Variants in PROM1 observed in about 807,000 individuals in gnomAD.
The protein encoded by PROM1 is prominin-1.
Under a neutral mutation model 116.9 loss-of-function variants are expected in PROM1, and 105 were observed. The observed-to-expected ratio is 0.90, with a 90% confidence interval of 0.77 to 1.06. PROM1 has a LOEUF of 1.06. Ranked by LOEUF, PROM1 falls within the 50% of genes least tolerant of loss-of-function variation. PROM1 has a pLI of 0.00. For missense variants in PROM1, 1,122 were observed against 1,045.2 expected (o/e 1.07, Z -1.01); for synonymous variants, 393 against 387.0 (o/e 1.02, Z -0.18).
At chr4:15,992,075 C>A (rs561862811) in intron 17 of PROM1, among the ~76,000 whole-genome samples, 173 bp downstream of exon 17, 1 of 151,842 alleles carries the variant, frequency 6.6e-6, no homozygotes, top group Non-Finnish European at 1.5e-5. Flanking sequence ...ACAGGAACTA[C>A]AGAAGTAGTT....
intron 1 of PROM1, chr4:16,083,387 C>A (rs972843554): frequency 6.6e-6 from 1 of 151,092 alleles, no homozygotes. Context: ...CCAAGCGGGG[C>A]GTCGCGGGCC....
chr4:16,043,243 T>C (rs945071226), intron 2 of PROM1, among the ~76,000 whole-genome samples: 11 of 152,062 alleles, frequency 7.2e-5, no homozygotes, highest in Admixed American at 2.6e-4. Flanking sequence ...GGTTTAGGAG[T>C]CAACAGATAA....
intron 3 of PROM1, among the ~76,000 whole-genome samples, chr4:16,037,009 C>T (rs1334028201): frequency 6.6e-6 from 1 of 152,122 alleles, no homozygotes; most frequent in Non-Finnish European, 1.5e-5. Context: ...GGGGTATAAA[C>T]CAAGGTTATG....
At chr4:16,033,211 G>A in intron 5 of PROM1, 93 bp downstream of exon 5, 1 of 1,077,750 alleles carries the variant, frequency 9.3e-7, no homozygotes, top group Non-Finnish European at 1.3e-6. Flanking sequence ...TTGCTATTTT[G>A]TTTAGTTTTA....
intron 2 of PROM1, 37 bp downstream of exon 2, chr4:16,075,650 G>A (rs780977233): frequency 1.9e-6 from 3 of 1,554,850 alleles, no homozygotes; most frequent in South Asian, 2.3e-5. Context: ...GGTGCGTTTG[G>A]AGATAAATCC....
chr4:15,983,917 A>G (rs1340160793), intron 23 of PROM1, among the ~76,000 whole-genome samples: 1 of 152,174 alleles, frequency 6.6e-6, no homozygotes, highest in Non-Finnish European at 1.5e-5. Context: ...GACAAATGAA[A>G]TTTGATGCAA....
At chr4:15,996,897 C>T (rs1314046531) in intron 15 of PROM1, among the ~76,000 whole-genome samples, 1 of 152,082 alleles carries the variant, frequency 6.6e-6, no homozygotes, top group Admixed American at 6.6e-5. Context: ...AAGTGTTCTG[C>T]TCTCAATGTG....
chr4:16,052,309 TTC>T (rs1422763665), intron 2 of PROM1, among the ~76,000 whole-genome samples: 2 of 152,200 alleles, frequency 1.3e-5, no homozygotes, highest in African/African-American at 4.8e-5. Context: ...CTGAGCTCTG[TTC>T]TGGCCACTCA....
intron 2 of PROM1, among the ~76,000 whole-genome samples, chr4:16,053,577 T>C (rs1738340421): frequency 6.6e-6 from 1 of 152,234 alleles, no homozygotes; most frequent in African/African-American, 2.4e-5. Context: ...AATTTGGTAA[T>C]GACACTATGG....
chr4:15,991,278 CG>C lies in PROM1; in HGVS notation c.1926del (p.Ala643GlnfsTer3). 6.2e-7 allele frequency: 1 copy of C among 1,602,838 alleles called. No homozygotes were observed. Among genetic ancestry groups the C allele is most frequent in the Non-Finnish European group, 8.5e-7 (1 of 1,175,926 alleles). On this transcript the variant is annotated frameshift_variant, in exon 18 of 28. Transcript: ENST00000447510. LOFTEE classifies it high-confidence loss of function. ...GCAAATGATAAAAGATTCACTCCTG[CG>C]GGGGATTTACCAGTCTACAATAGAA... ...DSYLAQTGKS[P>X]AGVNLLSFAY...
chr4:16,069,599 A>G (rs989702919), intron 2 of PROM1, among the ~76,000 whole-genome samples: 2 of 152,230 alleles, frequency 1.3e-5, no homozygotes, highest in South Asian at 4.1e-4. Flanking sequence ...AATATGCCAC[A>G]AGCTAGTGTG....
At chr4:16,010,831 A>G (rs1438682360) in intron 11 of PROM1, among the ~76,000 whole-genome samples, 1 of 152,134 alleles carries the variant, frequency 6.6e-6, no homozygotes, top group Non-Finnish European at 1.5e-5. Context: ...TGTTTTTCAC[A>G]TAGCTATGAC....
In PROM1 at chr4:16,075,999, C is replaced by A; in HGVS notation, c.-93G>T. The stretch of plus-strand genomic sequence containing the variant: ...TGGGGAAGGCAAGCGTGTTCCTGGG[C>A]AGAAGAGGAGCAGGAAGCACTGGAT... On this transcript the variant is annotated 5_prime_UTR_variant, in exon 2 of 28. Transcript: ENST00000447510. The A allele has an allele frequency of 6.8e-7, 1 of 1,463,044 alleles. No individual in the cohort carries two copies. The highest frequency in any genetic ancestry group is 9.0e-7 in the Non-Finnish European group (1 of 1,105,924). The allele number at this position is 1,463,044 out of a possible 1,614,324, so 90.6% of individuals were successfully genotyped here. A position where few individuals can be genotyped will look rare whatever the true frequency, so the allele number is the denominator to read the frequency against.
chr4:16,027,196 G>A (rs1731509884), intron 5 of PROM1, among the ~76,000 whole-genome samples: 1 of 151,964 alleles, frequency 6.6e-6, no homozygotes, highest in Non-Finnish European at 1.5e-5. Context: ...TTGGTATTTT[G>A]GGAGTCAATG....
intron 2 of PROM1, among the ~76,000 whole-genome samples, chr4:16,063,146 G>A (rs1239400868): frequency 6.6e-6 from 1 of 152,174 alleles, no homozygotes; most frequent in Non-Finnish European, 1.5e-5. Flanking sequence ...TAGTTTACAG[G>A]AAATGCAGTA....
intron 11 of PROM1, among the ~76,000 whole-genome samples, chr4:16,012,159 G>A (rs1340874111): frequency 6.6e-6 from 1 of 152,024 alleles, no homozygotes; most frequent in Non-Finnish European, 1.5e-5. Context: ...ACCATGCCTG[G>A]CTAATTTTTG....
At chr4:16,003,585 ATC>A (rs1724430116) in intron 13 of PROM1, among the ~76,000 whole-genome samples, 1 of 152,122 alleles carries the variant, frequency 6.6e-6, no homozygotes, top group African/African-American at 2.4e-5. Context: ...AGATCTCCTT[ATC>A]TCTGGAGAGG....
chr4:16,011,223 C>T (rs927770263), intron 11 of PROM1, among the ~76,000 whole-genome samples: 1 of 152,132 alleles, frequency 6.6e-6, no homozygotes, highest in Non-Finnish European at 1.5e-5. Context: ...AGGCAGCCTC[C>T]CACTAGCCTC....
rs1427735596 is a variant in PROM1, at chr4:15,968,626, G to A, written c.*767C>T. ...AAACTGTACACCGTAATTGGCATCT[G>A]TTAAAACAACTCCACTTTTGAACGA... On this transcript the variant is annotated 3_prime_UTR_variant, in exon 28 of 28. Coordinates refer to ENST00000447510, the MANE Select transcript of PROM1 (RefSeq NM_006017.3). 1 of 152,198 alleles carries A rather than the reference G, an allele frequency of 6.6e-6. No individual in the cohort carries two copies. Among genetic ancestry groups the A allele is most frequent in the African/African-American group, 2.4e-5 (1 of 41,450 alleles). 9.4% of individuals were successfully genotyped at this position (152,198 alleles called of 1,614,324 possible).
Sources: gnomAD v4.1 joint callset for allele counts (sites outside exome capture counted in the v4.1 genomes callset) on GRCh38, gnomAD v4.1.1 for gene constraint, MANE v1.5 for transcripts, NCBI Gene and HGNC (gene_info 2026-07-23, HGNC 2026-07-21) for gene names.